CAP2: variants seen among roughly 807,000 people sequenced by gnomAD.
The protein encoded by CAP2 is adenylyl cyclase-associated protein 2.
CAP2 carries 24 observed loss-of-function variants against 57.7 expected under a neutral mutation model. The observed-to-expected ratio is 0.42, with a 90% CI of 0.30 to 0.58. CAP2 has a LOEUF of 0.58. Among genes scored for constraint, CAP2 ranks in the 20% least tolerant of loss-of-function variants. The pLI, the probability that CAP2 is intolerant of heterozygous loss-of-function variation, is 0.22. For missense variants in CAP2, 501 were observed against 590.3 expected, an observed-to-expected ratio of 0.85 and a Z score of 1.57; for synonymous variants, 194 against 207.2, an observed-to-expected ratio of 0.94 and a Z score of 0.55.
At chr6:17,428,904 G>T (rs2113542751) in intron 3 of CAP2, among the ~76,000 whole-genome samples, 1 of 152,262 alleles carries the variant, frequency 6.6e-6, no homozygotes, top group Non-Finnish European at 1.5e-5. Flanking sequence ...GAGGCTCCAA[G>T]ACTGTAATTA....
intron 11 of CAP2, among the ~76,000 whole-genome samples, chr6:17,543,644 A>G (rs945515098): frequency 2.7e-5 from 4 of 150,664 alleles, no homozygotes; most frequent in Non-Finnish European, 5.9e-5. Context: ...AAAAAAAAAA[A>G]AAGAAGGAGC....
At position 17,542,922 on chromosome 6, in the gene CAP2, C is replaced by G; in HGVS notation, c.1088C>G (p.Thr363Ser). 1 of 1,613,534 alleles carries G rather than the reference C, an allele frequency of 6.2e-7. No individual in the cohort carries two copies. The highest frequency in any genetic ancestry group is 1.1e-5 in the South Asian group (1 of 91,062). ...VAYIFKCEKS[T>S]IQIKGKVNSI... ...TACATTTTCAAATGCGAAAAATCAA[C>G]TATTCAGATAAAAGGGAAAGTAAAC... Residue 363 changes from threonine to serine, a missense_variant, in exon 10 of 13, where the codon ACT (threonine) becomes AGT (serine). Transcript: ENST00000229922.
chr6:17,527,200 G>GA (rs1335410706), intron 7 of CAP2, among the ~76,000 whole-genome samples: 2 of 151,274 alleles, frequency 1.3e-5, no homozygotes, highest in Admixed American at 6.6e-5. Flanking sequence ...AAATCTGAAA[G>GA]AAAAAAACCT....
At chr6:17,399,307 C>T (rs1758750010) in intron 1 of CAP2, among the ~76,000 whole-genome samples, 1 of 152,168 alleles carries the variant, frequency 6.6e-6, no homozygotes, top group Non-Finnish European at 1.5e-5. Flanking sequence ...AGGTAATGCA[C>T]CTGCCTAGGT....
intron 2 of CAP2, among the ~76,000 whole-genome samples, chr6:17,423,972 T>A (rs1759511257): frequency 6.6e-6 from 1 of 152,220 alleles, no homozygotes; most frequent in Admixed American, 6.5e-5. Context: ...TCTTCTTAAT[T>A]AGTAAGTTTT....
chr6:17,507,763 A>G (rs900404840), intron 6 of CAP2, 37 bp downstream of exon 6: 5 of 1,132,754 alleles, frequency 4.4e-6, no homozygotes, highest in Non-Finnish European at 5.4e-6. Context: ...TTTTCAGTTG[A>G]TTACTTGTTA....
chr6:17,479,499 G>A lies in CAP2; in HGVS notation c.300+16426G>A, dbSNP rs1439000039. Among the ~76,000 whole-genome samples the A allele has an allele frequency of 9.2e-5, 14 of 151,552 alleles. No individual in the cohort carries two copies. The South Asian group carries it at 2.3e-3, about 25-fold the overall frequency. Reference sequence around the variant, plus strand: ...AGTGAAGAAGAGGAGAAGGGAGGACGGAAGTAAAAATGAAAGAAGGAAAAG... The same window carrying A: ...AGTGAAGAAGAGGAGAAGGGAGGACAGAAGTAAAAATGAAAGAAGGAAAAG... On this transcript the variant is annotated intron_variant, in intron 4 of 12. Transcript: ENST00000229922.
At chr6:17,424,167 G>A (rs552479864) in intron 2 of CAP2, among the ~76,000 whole-genome samples, 5 of 152,080 alleles carry the variant, frequency 3.3e-5, no homozygotes, top group Admixed American at 1.3e-4. Flanking sequence ...TTGGGAGGCC[G>A]CGGCGAGCCG....
At chr6:17,419,425 C>T (rs1485712684) in intron 1 of CAP2, among the ~76,000 whole-genome samples, 1 of 152,156 alleles carries the variant, frequency 6.6e-6, no homozygotes, top group African/African-American at 2.4e-5. Flanking sequence ...GGCTTGTTGT[C>T]GTCTCTTAAG....
At chr6:17,501,877 A>C (rs1029756343) in intron 4 of CAP2, among the ~76,000 whole-genome samples, 1 of 152,202 alleles carries the variant, frequency 6.6e-6, no homozygotes, top group Non-Finnish European at 1.5e-5. Flanking sequence ...TGCTGAAAAC[A>C]TGCAGTTTGT....
intron 11 of CAP2, among the ~76,000 whole-genome samples, chr6:17,544,037 A>T (rs1762976919): frequency 6.6e-6 from 1 of 151,122 alleles, no homozygotes; most frequent in South Asian, 2.1e-4. Context: ...AGACAGGAGA[A>T]TCACTTGAAC....
intron 4 of CAP2, among the ~76,000 whole-genome samples, chr6:17,480,818 A>G (rs1581555819): frequency 7.3e-6 from 1 of 137,156 alleles, no homozygotes; most frequent in African/African-American, 2.8e-5. Flanking sequence ...CTTTTTGCCC[A>G]GGCTGGAGTG....
chr6:17,532,418 G>A (rs1762667365), intron 7 of CAP2, among the ~76,000 whole-genome samples: 1 of 149,654 alleles, frequency 6.7e-6, no homozygotes, highest in Admixed American at 6.6e-5. Flanking sequence ...TGGGATTACA[G>A]GCGTGAGCCA....
intron 7 of CAP2, among the ~76,000 whole-genome samples, chr6:17,521,753 G>A (rs1433026652): frequency 2.6e-5 from 4 of 152,240 alleles, no homozygotes; most frequent in South Asian, 2.1e-4. Flanking sequence ...TGGAAGATAC[G>A]GCCCATCCTG....
chr6:17,531,344 T>C, intron 7 of CAP2: 2 of 1,453,388 alleles, frequency 1.4e-6, no homozygotes, highest in East Asian at 2.3e-5. Context: ...GCTCACACCA[T>C]TGATACCTCT....
At chr6:17,528,576 G>A (rs1209950481) in intron 7 of CAP2, among the ~76,000 whole-genome samples, 2 of 152,054 alleles carry the variant, frequency 1.3e-5, no homozygotes, top group African/African-American at 2.4e-5. Context: ...AATCATCGAC[G>A]AAACCATGAG....
chr6:17,455,818 A>C (rs762530571), intron 3 of CAP2, among the ~76,000 whole-genome samples: 2 of 152,158 alleles, frequency 1.3e-5, no homozygotes, highest in Non-Finnish European at 2.9e-5. Context: ...TACAGGCGTG[A>C]GCCACCGCGC....
chr6:17,485,148 G>T (rs76433767), intron 4 of CAP2, among the ~76,000 whole-genome samples: 2,233 of 149,252 alleles, frequency 0.015, 58 homozygotes, highest in African/African-American at 0.051. Flanking sequence ...CCAGTCCTGG[G>T]TTTTTTTTTT....
intron 2 of CAP2, 57 bp from the exon 3 acceptor site, chr6:17,426,533 C>A: frequency 7.7e-7 from 1 of 1,294,694 alleles, no homozygotes; most frequent in Non-Finnish European, 1.1e-6. Context: ...CCGTGCCCGG[C>A]TAGTCCCAGG....
Sources: gnomAD v4.1 joint callset for allele counts (sites outside exome capture counted in the v4.1 genomes callset) on GRCh38, gnomAD v4.1.1 for gene constraint, MANE v1.5 for transcripts, NCBI Gene and HGNC (gene_info 2026-07-23, HGNC 2026-07-21) for gene names.